PCDH15: variants seen among roughly 807,000 people sequenced by gnomAD.
PCDH15 encodes the protein protocadherin related 15, also known as protocadherin-15.
PCDH15 carries 129 observed loss-of-function variants against 178.5 expected under a neutral mutation model. The observed-to-expected ratio is 0.72, with a 90% CI of 0.63 to 0.84. PCDH15 has a LOEUF of 0.84. PCDH15 is among the 40% of genes least tolerant of loss of function. The probability of loss-of-function intolerance (pLI) is 0.00; values close to 1 mark genes in which losing one functional copy is unlikely to be tolerated. For synonymous variants in PCDH15, 800 were observed against 732.0 expected, an observed-to-expected ratio of 1.09 and a Z score of -1.50; for missense variants, 2,230 against 2,099.9, an observed-to-expected ratio of 1.06 and a Z score of -1.21.
At chr10:54,363,224 A>G (rs569682785) in intron 5 of PCDH15, among the ~76,000 whole-genome samples, 2 of 152,312 alleles carry the variant, frequency 1.3e-5, no homozygotes, top group Middle Eastern at 6.8e-3. Flanking sequence ...AAAAGCAAAT[A>G]CATATGCAGT....
chr10:54,819,342 T>C (rs1479890891), intron 3 of PCDH15, among the ~76,000 whole-genome samples: 2 of 152,122 alleles, frequency 1.3e-5, no homozygotes, highest in Non-Finnish European at 2.9e-5. Context: ...ACAATGTTCA[T>C]ATTTAATCAT....
rs534588814 is a variant in PCDH15 at position 53,840,366 on chromosome 10, T to G, written c.3937A>C (p.Ile1313Leu). Reference sequence around the variant, plus strand: ...ATGGCTCTGTTGGTTTGGGGGTCAATTGCATAGACAGTCAAGTCACATTTG... The same window carrying G: ...ATGGCTCTGTTGGTTTGGGGGTCAAGTGCATAGACAGTCAAGTCACATTTG... The part of the protein sequence containing the change: ...YTKCDLTVYA[I>L]DPQTNRAIDR... Residue 1313 changes from isoleucine to leucine, a missense_variant, in exon 29 of 38, where the codon ATT becomes CTT. Physicochemically the swap from Ile to Leu is conservative, Grantham distance 5. Transcript: ENST00000644397. The G allele has an allele frequency of 5.6e-6, 9 of 1,614,142 alleles. No individual in the cohort carries two copies. In the South Asian group the frequency reaches 9.9e-5, roughly 18 times the overall value.
At chr10:54,898,120 G>A (rs1420560221) in intron 2 of PCDH15, among the ~76,000 whole-genome samples, 1 of 152,056 alleles carries the variant, frequency 6.6e-6, no homozygotes, top group Non-Finnish European at 1.5e-5. Flanking sequence ...TTAAAAGTGT[G>A]TGAGGCCTCC....
chr10:54,087,646 T>C (rs1423104430), intron 16 of PCDH15, among the ~76,000 whole-genome samples: 2 of 152,210 alleles, frequency 1.3e-5, no homozygotes, highest in Non-Finnish European at 2.9e-5. Flanking sequence ...ATGCACGTCT[T>C]CATTTCTCTT....
chr10:54,276,450 T>C (rs2058356054), intron 8 of PCDH15, among the ~76,000 whole-genome samples: 1 of 151,764 alleles, frequency 6.6e-6, no homozygotes. Flanking sequence ...ATAACATTAT[T>C]TTATTCCCAT....
At chr10:55,532,197 G>A (rs2132064714) in intron 2 of PCDH15, among the ~76,000 whole-genome samples, 1 of 152,038 alleles carries the variant, frequency 6.6e-6, no homozygotes, top group Admixed American at 6.6e-5. Context: ...ATAGCATATT[G>A]GTACACAATA....
intron 23 of PCDH15, among the ~76,000 whole-genome samples, chr10:53,952,038 G>A (rs1313577656): frequency 1.3e-5 from 2 of 152,234 alleles, no homozygotes; most frequent in African/African-American, 4.8e-5. Context: ...GTGGCACCCA[G>A]TAGATTGGAG....
At chr10:55,386,415 G>A (rs2132008099) in intron 2 of PCDH15, among the ~76,000 whole-genome samples, 1 of 141,892 alleles carries the variant, frequency 7.0e-6, no homozygotes, top group East Asian at 1.9e-4. Flanking sequence ...GTCTGAGAAA[G>A]CATTTCACAA....
intron 8 of PCDH15, among the ~76,000 whole-genome samples, chr10:54,269,860 C>A (rs1380686859): frequency 6.6e-6 from 1 of 151,958 alleles, no homozygotes; most frequent in Middle Eastern, 3.4e-3. Context: ...CAACAAGGAC[C>A]CATAAATATT....
chr10:54,789,489 A>C (rs942263513), intron 1 of PCDH15, among the ~76,000 whole-genome samples: 1 of 151,838 alleles, frequency 6.6e-6, no homozygotes, highest in Non-Finnish European at 1.5e-5. Flanking sequence ...TAGTAGCTAC[A>C]AATATAAATC....
chr10:54,545,269 A>G (rs989291831), intron 2 of PCDH15, among the ~76,000 whole-genome samples: 6 of 152,342 alleles, frequency 3.9e-5, no homozygotes, highest in African/African-American at 1.4e-4. Context: ...TGCAGATTGT[A>G]CTAATTAACA....
At chr10:55,577,480 A>G (rs1439893832) in intron 2 of PCDH15, among the ~76,000 whole-genome samples, 1 of 152,184 alleles carries the variant, frequency 6.6e-6, no homozygotes, top group African/African-American at 2.4e-5. Flanking sequence ...CTATGTATTT[A>G]TACTACAACT....
intron 2 of PCDH15, among the ~76,000 whole-genome samples, chr10:55,604,385 C>T (rs563965202): frequency 6.6e-6 from 1 of 151,584 alleles, no homozygotes; most frequent in Non-Finnish European, 1.5e-5. Context: ...CAGCTCTGCA[C>T]CAAGCGGACC....
chr10:53,813,048 C>A (rs1201030650), intron 35 of PCDH15, among the ~76,000 whole-genome samples: 1 of 152,036 alleles, frequency 6.6e-6, no homozygotes, highest in Non-Finnish European at 1.5e-5. Flanking sequence ...CAGTGCTAAT[C>A]AGAAAATGAC....
chr10:54,156,272 T>C (rs182703855), intron 13 of PCDH15, among the ~76,000 whole-genome samples: 3 of 152,262 alleles, frequency 2.0e-5, no homozygotes, highest in Admixed American at 2.0e-4. Context: ...ATTCCAAATG[T>C]CCCCATCTGT....
At chr10:55,162,413 G>C (rs1473459044) in intron 2 of PCDH15, among the ~76,000 whole-genome samples, 4 of 152,074 alleles carry the variant, frequency 2.6e-5, no homozygotes, top group African/African-American at 9.7e-5. Context: ...AAATTATTTA[G>C]TGATCAAATT....
At chr10:55,315,676 A>G (rs2132293571) in intron 1 of PCDH15, among the ~76,000 whole-genome samples, 1 of 152,262 alleles carries the variant, frequency 6.6e-6, no homozygotes, top group Admixed American at 6.5e-5. Flanking sequence ...ATATTTATTC[A>G]TTCAGTACTT....
At chr10:54,029,193 C>T (rs1450077280) in intron 18 of PCDH15, among the ~76,000 whole-genome samples, 1 of 152,030 alleles carries the variant, frequency 6.6e-6, no homozygotes, top group Non-Finnish European at 1.5e-5. Context: ...ACAAGATAAC[C>T]AAACATAGAA....
At chr10:55,370,344 A>G (rs1845476032) in intron 2 of PCDH15, among the ~76,000 whole-genome samples, 1 of 152,172 alleles carries the variant, frequency 6.6e-6, no homozygotes, top group African/African-American at 2.4e-5. Flanking sequence ...AAGACAGCAA[A>G]AAAAATTAAA....
Sources: gnomAD v4.1 joint callset for allele counts (sites outside exome capture counted in the v4.1 genomes callset) on GRCh38, gnomAD v4.1.1 for gene constraint, MANE v1.5 for transcripts, NCBI Gene and HGNC (gene_info 2026-07-23, HGNC 2026-07-21) for gene names.